Variants in DLGAP1 observed in about 807,000 individuals in gnomAD.
The protein encoded by DLGAP1 is disks large-associated protein 1.
A neutral mutation model predicts 90.8 loss-of-function variants in DLGAP1; 11 were observed. That is an observed-to-expected ratio of 0.12 (90% CI 0.08 to 0.20). The LOEUF is 0.20. Ranked by LOEUF, DLGAP1 falls within the 10% of genes least tolerant of loss-of-function variation. DLGAP1 has a pLI of 1.00. For synonymous variants in DLGAP1, 558 were observed against 540.7 expected, an observed-to-expected ratio of 1.03 and a Z score of -0.44; for missense variants, 1,050 against 1,333.8, an observed-to-expected ratio of 0.79 and a Z score of 3.31.
intron 2 of DLGAP1, among the ~76,000 whole-genome samples, chr18:4,104,655 T>A (rs1344408326): frequency 1.3e-5 from 2 of 152,236 alleles, no homozygotes; most frequent in Non-Finnish European, 2.9e-5. Context: ...ACGTTCTTCT[T>A]GAGACACGTT....
At chr18:4,019,639 A>T (rs199693525) in intron 2 of DLGAP1, among the ~76,000 whole-genome samples, 1 of 86,452 alleles carries the variant, frequency 1.2e-5, no homozygotes, top group Non-Finnish European at 2.5e-5. Flanking sequence ...TGTTTGGGGG[A>T]ATTTTTTTGT....
chr18:3,923,133 CA>C (rs34107115), intron 3 of DLGAP1, among the ~76,000 whole-genome samples: 94 of 71,184 alleles, frequency 1.3e-3, no homozygotes, highest in African/African-American at 4.1e-3. Flanking sequence ...GAACCTGTCT[CA>C]AAAAAAAAAA....
intron 2 of DLGAP1, among the ~76,000 whole-genome samples, chr18:4,114,466 T>A (rs2076027676): frequency 6.6e-6 from 1 of 152,188 alleles, no homozygotes; most frequent in African/African-American, 2.4e-5. Flanking sequence ...TTTTGTATCC[T>A]GAAACTTCAC....
chr18:3,774,888 C>T (rs1235206114), intron 5 of DLGAP1, among the ~76,000 whole-genome samples: 1 of 152,072 alleles, frequency 6.6e-6, no homozygotes, highest in East Asian at 1.9e-4. Context: ...AAAGTCTGGA[C>T]CTGCCAAAGA....
At chr18:4,303,925 C>G (rs926222093) in intron 1 of DLGAP1, among the ~76,000 whole-genome samples, 10 of 152,240 alleles carry the variant, frequency 6.6e-5, no homozygotes, top group African/African-American at 2.4e-4. Context: ...GAAAAGTGCT[C>G]AAGAGAAGAT....
chr18:3,723,562 G>T (rs1267220753), intron 7 of DLGAP1, among the ~76,000 whole-genome samples: 1 of 151,428 alleles, frequency 6.6e-6, no homozygotes, highest in Non-Finnish European at 1.5e-5. Context: ...TAGGGTTTGT[G>T]TGGGGGGGGA....
intron 9 of DLGAP1, among the ~76,000 whole-genome samples, chr18:3,547,167 G>T (rs940681828): frequency 6.6e-6 from 1 of 151,786 alleles, no homozygotes; most frequent in Admixed American, 6.6e-5. Context: ...CAGGCGTGGT[G>T]GCGGGCGCCG....
chr18:3,635,418 C>A (rs1385442983), intron 7 of DLGAP1, among the ~76,000 whole-genome samples: 1 of 151,548 alleles, frequency 6.6e-6, no homozygotes, highest in Non-Finnish European at 1.5e-5. Flanking sequence ...GGATTACAGG[C>A]GTGAGCCACC....
intron 7 of DLGAP1, chr18:3,654,754 A>C (rs893356923): frequency 1.8e-4 from 27 of 152,186 alleles, no homozygotes; most frequent in Non-Finnish European, 1.6e-4. Flanking sequence ...TTTGATGCGC[A>C]AAGCGAACTT....
intron 1 of DLGAP1, among the ~76,000 whole-genome samples, chr18:4,371,192 C>T (rs758353045): frequency 5.3e-5 from 8 of 152,114 alleles, no homozygotes; most frequent in South Asian, 2.1e-4. Flanking sequence ...AATATCCTCA[C>T]GGAGTTTATA....
chr18:4,390,848 C>CT (rs1311371691), intron 1 of DLGAP1, among the ~76,000 whole-genome samples: 18 of 152,170 alleles, frequency 1.2e-4, no homozygotes, highest in Non-Finnish European at 1.5e-4. Context: ...GCTTTGAGAT[C>CT]TTTAACACTG....
intron 1 of DLGAP1, among the ~76,000 whole-genome samples, chr18:4,200,505 A>C (rs1426579090): frequency 6.6e-6 from 1 of 151,762 alleles, no homozygotes; most frequent in Non-Finnish European, 1.5e-5. Flanking sequence ...TTTATAAGAT[A>C]TGTAACATCA....
intron 1 of DLGAP1, among the ~76,000 whole-genome samples, chr18:4,380,451 G>C (rs1437900691): frequency 6.6e-6 from 1 of 152,114 alleles, no homozygotes; most frequent in Non-Finnish European, 1.5e-5. Context: ...AAGGGAGTCA[G>C]ATATTAACAC....
intron 3 of DLGAP1, among the ~76,000 whole-genome samples, chr18:3,966,346 T>C (rs1159354594): frequency 6.6e-6 from 1 of 152,038 alleles, no homozygotes; most frequent in Non-Finnish European, 1.5e-5. Flanking sequence ...GTTCTATTTG[T>C]TGGGGGGAAG....
intron 7 of DLGAP1, among the ~76,000 whole-genome samples, chr18:3,646,192 T>C (rs1301233498): frequency 6.6e-6 from 1 of 151,894 alleles, no homozygotes; most frequent in African/African-American, 2.4e-5. Flanking sequence ...ACCCAGGAGT[T>C]TGAGACCAGC....
Position 4,265,253 on chromosome 18 carries a change from TC to T in DLGAP1, c.-266-113967del, listed in dbSNP as rs372319967. ...GCACGATCTCGGCTCACTGCAAGCT[TC>T]ACCTCCCAGGTTCACGCCATTCTCC... is the stretch of plus-strand genomic sequence containing the variant. On this transcript the variant is annotated intron_variant, in intron 1 of 12. Transcript: ENST00000315677. 3.1e-4 allele frequency among the ~76,000 whole-genome samples: 47 copies of T among 151,590 alleles called. No homozygotes were observed. In the East Asian group the frequency reaches 3.7e-3, roughly 12 times the overall value.
intron 4 of DLGAP1, among the ~76,000 whole-genome samples, chr18:3,818,856 A>G (rs971776630): frequency 6.6e-6 from 1 of 151,470 alleles, no homozygotes; most frequent in Non-Finnish European, 1.5e-5. Flanking sequence ...GGCCTCCCAA[A>G]GTGCTGGGAT....
rs575153457 is a variant in DLGAP1 at position 4,077,110 on chromosome 18, T to C, written c.-158-71909A>G. On this transcript the variant is annotated intron_variant, in intron 2 of 12. Transcript: ENST00000315677. ...TCACTCTATGCTACCCAAAGGGTCA[T>C]GGTTAAACAATCAGATCTTGTCCTT... is the stretch of plus-strand genomic sequence containing the variant. Among the ~76,000 whole-genome samples, 333 of 152,284 alleles carry C rather than the reference T, an allele frequency of 2.2e-3. 3 individuals carry two copies. Among genetic ancestry groups the C allele is most frequent in the African/African-American group, 7.8e-3 (326 of 41,556 alleles).
chr18:3,797,330 A>G (rs890025309), intron 5 of DLGAP1, among the ~76,000 whole-genome samples: 3 of 151,892 alleles, frequency 2.0e-5, no homozygotes, highest in Non-Finnish European at 4.4e-5. Flanking sequence ...CTCAGGAAAA[A>G]AAAAAAAAAA....
Sources: allele counts gnomAD v4.1 joint callset (sites outside exome capture counted in the v4.1 genomes callset), GRCh38; gene constraint gnomAD v4.1.1; transcripts MANE v1.5; gene names NCBI Gene and HGNC (gene_info 2026-07-23, HGNC 2026-07-21).